ANKRD26: variants seen among roughly 807,000 people sequenced by gnomAD.
The protein encoded by ANKRD26 is ankyrin repeat domain-containing protein 26.
A neutral mutation model predicts 208.7 loss-of-function variants in ANKRD26; 141 were observed. The observed-to-expected ratio is 0.68, with a 90% CI of 0.59 to 0.78. The LOEUF (loss-of-function observed/expected upper bound fraction) is 0.78, where lower values mean the gene tolerates loss of function less well. Among genes scored for constraint, ANKRD26 ranks in the 30% least tolerant of loss-of-function variants. The pLI is 0.00. For synonymous variants in ANKRD26, 636 were observed against 660.4 expected, an observed-to-expected ratio of 0.96 and a Z score of 0.57; for missense variants, 1,889 against 1,938.7, an observed-to-expected ratio of 0.97 and a Z score of 0.48.
chr10:27,027,106 G>C (rs1021925493), intron 27 of ANKRD26, among the ~76,000 whole-genome samples: 2 of 152,160 alleles, frequency 1.3e-5, no homozygotes, highest in Non-Finnish European at 2.9e-5. Flanking sequence ...AAAGACTGAT[G>C]AACACAGATA....
the ANKRD26 span, among the ~76,000 whole-genome samples, chr10:26,966,512 G>A: frequency 3.9e-5 from 6 of 152,006 alleles, no homozygotes; most frequent in African/African-American, 1.2e-4. Flanking sequence ...GGAACTTAGA[G>A]GATGGGTCAA....
chr10:27,089,586 G>A (rs1369842091), intron 4 of ANKRD26, among the ~76,000 whole-genome samples: 1 of 152,188 alleles, frequency 6.6e-6, no homozygotes, highest in East Asian at 1.9e-4. Context: ...GAGCCTAGGA[G>A]TTTGAGACCA....
At chr10:26,983,760 C>G (rs904499725) in intron 3 of ANKRD26, among the ~76,000 whole-genome samples, 2 of 152,158 alleles carry the variant, frequency 1.3e-5, no homozygotes, top group Non-Finnish European at 2.9e-5. Flanking sequence ...TGGTCCTTTC[C>G]TCTGAAAAGC....
At chr10:26,979,901 C>G (rs2052282046) in intron 5 of ANKRD26, among the ~76,000 whole-genome samples, 1 of 150,286 alleles carries the variant, frequency 6.7e-6, no homozygotes, top group Non-Finnish European at 1.5e-5. Flanking sequence ...ATTGCTTTAA[C>G]TATAAATGCA....
chr10:27,040,097 A>G lies in ANKRD26; in HGVS notation c.2243T>C (p.Leu748Pro). ...CATTTTTTTAATTTTTACTGTAAGTAGTTCACAGTGATTTTTTTTAAGTTC... is the reference window on the plus strand; with the variant it reads ...CATTTTTTTAATTTTTACTGTAAGTGGTTCACAGTGATTTTTTTTAAGTTC... ...LLELKKNHCE[L>P]LTVKIKKMED... is the part of the protein sequence containing the mutation. The change falls in exon 21 of 34, where the codon CTA becomes CCA. Residue 748 changes from leucine to proline, a missense_variant. Physicochemically the swap from Leu to Pro is moderately conservative, Grantham distance 98. Coordinates refer to ENST00000376087, the MANE Select transcript of ANKRD26 (RefSeq NM_014915.3). The G allele has an allele frequency of 6.2e-7, 1 of 1,612,078 alleles. No homozygotes were observed.
chr10:26,957,688 G>A, the ANKRD26 span, among the ~76,000 whole-genome samples: 7 of 152,290 alleles, frequency 4.6e-5, no homozygotes, highest in South Asian at 2.1e-4. Flanking sequence ...CTCTCTGGTC[G>A]TTTGGGGGCT....
At chr10:27,042,359 G>A (rs980088489) in intron 20 of ANKRD26, among the ~76,000 whole-genome samples, 3 of 152,152 alleles carry the variant, frequency 2.0e-5, no homozygotes, top group East Asian at 3.9e-4. Context: ...GCTCACGCCC[G>A]AAATCCCAGC....
chr10:26,961,686 A>AAATAAT, the ANKRD26 span, among the ~76,000 whole-genome samples: 2 of 151,958 alleles, frequency 1.3e-5, no homozygotes, highest in South Asian at 2.1e-4. Context: ...TCTACAATAA[A>AAATAAT]AATAATAATA....
intron 9 of ANKRD26, among the ~76,000 whole-genome samples, chr10:27,075,893 T>A (rs181615258): frequency 1.2e-4 from 19 of 152,316 alleles, no homozygotes; most frequent in Admixed American, 9.8e-4. Context: ...TGAAATCATA[T>A]GAAGTATCTT....
chr10:27,082,927 CCT>C, intron 5 of ANKRD26, 94 bp from the exon 6 acceptor site: 1 of 1,435,490 alleles, frequency 7.0e-7, no homozygotes, highest in East Asian at 2.5e-5. Flanking sequence ...ACAAAGTATC[CCT>C]CTGGGACCAT....
chr10:27,042,568 A>G (rs1308778386), intron 20 of ANKRD26, among the ~76,000 whole-genome samples: 1 of 152,122 alleles, frequency 6.6e-6, no homozygotes, highest in Non-Finnish European at 1.5e-5. Flanking sequence ...CCTGGCTAAC[A>G]CGGTGAAACC....
chr10:26,973,100 T>C (rs2052174336), downstream of ANKRD26, among the ~76,000 whole-genome samples: 1 of 152,232 alleles, frequency 6.6e-6, no homozygotes. Flanking sequence ...CCTCGATATA[T>C]ACCTGTTAAA....
At chr10:26,963,552 G>T in the ANKRD26 span, among the ~76,000 whole-genome samples, 4 of 152,202 alleles carry the variant, frequency 2.6e-5, no homozygotes, top group African/African-American at 4.8e-5. Context: ...GCTGTGCAGA[G>T]TAAGTACAGG....
chr10:27,086,442 A>G, intron 5 of ANKRD26, 97 bp downstream of exon 5: 1 of 1,512,932 alleles, frequency 6.6e-7, no homozygotes, highest in South Asian at 1.2e-5. Flanking sequence ...TTATACACTG[A>G]TTTTTAAAAC....
intron 15 of ANKRD26, among the ~76,000 whole-genome samples, chr10:27,055,385 T>C (rs750789855): frequency 7.9e-5 from 12 of 152,320 alleles, no homozygotes; most frequent in Admixed American, 7.2e-4. Flanking sequence ...TTTAGATTTA[T>C]AGCTTGCAGT....
chr10:27,041,418 C>T (rs1334595206), intron 20 of ANKRD26, among the ~76,000 whole-genome samples: 1 of 152,098 alleles, frequency 6.6e-6, no homozygotes, highest in Non-Finnish European at 1.5e-5. Flanking sequence ...TTCATTCCCA[C>T]AGTCAGGCTG....
At chr10:27,024,407 T>TAATG in intron 28 of ANKRD26, 40 bp downstream of exon 28, 1 of 1,094,840 alleles carries the variant, frequency 9.1e-7, no homozygotes, top group South Asian at 1.4e-5. Flanking sequence ...TTAAATCAAT[T>TAATG]AATGAATGGT....
chr10:27,095,881 T>A (rs911206601), intron 1 of ANKRD26, among the ~76,000 whole-genome samples: 20 of 152,156 alleles, frequency 1.3e-4, no homozygotes, highest in African/African-American at 4.8e-4. Flanking sequence ...TCTTTCCTCT[T>A]AGCTCCTAAG....
intron 13 of ANKRD26, 131 bp downstream of exon 13, chr10:27,061,013 C>T (rs1264024438): frequency 1.4e-6 from 1 of 732,648 alleles, no homozygotes; most frequent in African/African-American, 1.7e-5. Context: ...ATTTAGGAAG[C>T]ACACAGTTAT....
Sources: allele counts gnomAD v4.1 joint callset (sites outside exome capture counted in the v4.1 genomes callset), GRCh38; gene constraint gnomAD v4.1.1; transcripts MANE v1.5; gene names NCBI Gene and HGNC (gene_info 2026-07-23, HGNC 2026-07-21).